Variants in TMTC1 observed in about 807,000 individuals in gnomAD.
The protein encoded by TMTC1 is protein O-mannosyl-transferase TMTC1.
TMTC1 carries 73 observed loss-of-function variants against 104.8 expected under a neutral mutation model. The observed-to-expected ratio is 0.70, with a 90% CI of 0.58 to 0.85. The LOEUF (loss-of-function observed/expected upper bound fraction) is 0.85. Ranked by LOEUF, TMTC1 falls within the 40% of genes least tolerant of loss-of-function variation. The pLI is 0.00. For synonymous variants in TMTC1, 434 were observed against 428.7 expected, an observed-to-expected ratio of 1.01 and a Z score of -0.15; for missense variants, 1,035 against 1,096.1, an observed-to-expected ratio of 0.94 and a Z score of 0.79.
At chr12:29,755,572 G>A (rs749432302) in intron 4 of TMTC1, 137 bp downstream of exon 4, 8 of 694,100 alleles carry the variant, frequency 1.2e-5, no homozygotes, top group Non-Finnish European at 1.9e-5. Context: ...AATAAGCCTT[G>A]TTGATTACGT....
At chr12:29,596,310 G>A (rs975370346) in intron 7 of TMTC1, among the ~76,000 whole-genome samples, 2 of 152,020 alleles carry the variant, frequency 1.3e-5, no homozygotes, top group East Asian at 1.9e-4. Context: ...CCTGGCTGAC[G>A]TCTTTACTTT....
chr12:29,681,209 G>A (rs937671954), intron 5 of TMTC1, among the ~76,000 whole-genome samples: 3 of 151,956 alleles, frequency 2.0e-5, no homozygotes, highest in East Asian at 1.9e-4. Context: ...GGACCAAGGT[G>A]GAATATTTGA....
At chr12:29,748,292 T>C (rs894695548) in intron 5 of TMTC1, among the ~76,000 whole-genome samples, 4 of 152,194 alleles carry the variant, frequency 2.6e-5, no homozygotes, top group African/African-American at 9.7e-5. Context: ...TAGCTCAATG[T>C]ATTAGCACCA....
intron 7 of TMTC1, among the ~76,000 whole-genome samples, chr12:29,600,119 T>TA (rs576864128): frequency 0.13 from 18,597 of 139,772 alleles, 1,530 homozygotes; most frequent in African/African-American, 0.23. Flanking sequence ...ATTCCTGGGT[T>TA]AAAAAAAAAA....
intron 11 of TMTC1, chr12:29,534,675 T>G (rs1013791243): frequency 6.6e-6 from 1 of 152,226 alleles, no homozygotes; most frequent in Non-Finnish European, 1.5e-5. Context: ...ATAGTAAGGC[T>G]GAATGCAAAG....
chr12:29,594,502 G>T lies in TMTC1; in HGVS notation c.1250+9676C>A, dbSNP rs549821296. Among the ~76,000 whole-genome samples, 13 of 152,288 alleles carry T rather than the reference G, an allele frequency of 8.5e-5. No individual in the cohort carries two copies. In the South Asian group the frequency reaches 2.5e-3, roughly 29 times the overall value. On this transcript the variant is annotated intron_variant, in intron 7 of 17. Coordinates refer to ENST00000539277, the MANE Select transcript of TMTC1 (RefSeq NM_001193451.2). Reference sequence around the variant, plus strand: ...AGAAAACACAGGCAAACAAAATGGTGGTCCCAATCCTAATGAAAACAAGAC... The same window carrying T: ...AGAAAACACAGGCAAACAAAATGGTTGTCCCAATCCTAATGAAAACAAGAC...
intron 5 of TMTC1, among the ~76,000 whole-genome samples, chr12:29,664,472 C>G (rs1565751437): frequency 6.6e-6 from 1 of 152,112 alleles, no homozygotes; most frequent in African/African-American, 2.4e-5. Context: ...ATCTTTTCCT[C>G]TTCCCCTACC....
At chr12:29,776,550 T>C (rs10843505) in intron 1 of TMTC1, among the ~76,000 whole-genome samples, 14,418 of 152,302 alleles carry the variant, frequency 0.095, 842 homozygotes, top group East Asian at 0.19. Flanking sequence ...TTATTCATTC[T>C]TTAAAAAATT....
At chr12:29,583,667 C>T in intron 7 of TMTC1, 93 bp from the exon 8 acceptor site, 1 of 1,211,730 alleles carries the variant, frequency 8.3e-7, no homozygotes, top group Non-Finnish European at 1.1e-6. Context: ...TCAAATGAAG[C>T]TTGTCCTGTG....
intron 5 of TMTC1, among the ~76,000 whole-genome samples, chr12:29,651,776 G>A (rs1466428218): frequency 1.3e-5 from 2 of 152,158 alleles, no homozygotes; most frequent in Non-Finnish European, 2.9e-5. Context: ...TTTAGTCTTG[G>A]GTGGCCTATA....
At chr12:29,643,921 A>G (rs1404507569) in intron 5 of TMTC1, among the ~76,000 whole-genome samples, 2 of 110,860 alleles carry the variant, frequency 1.8e-5, no homozygotes, top group Non-Finnish European at 3.3e-5. Context: ...ATATAAATAT[A>G]TATAAATAAA....
intron 5 of TMTC1, among the ~76,000 whole-genome samples, chr12:29,679,804 TAG>T (rs1484501943): frequency 6.6e-6 from 1 of 152,136 alleles, no homozygotes; most frequent in Non-Finnish European, 1.5e-5. Context: ...ACCTCAGGAC[TAG>T]AGAGACCTCT....
chr12:29,644,807 T>C (rs893620288), intron 5 of TMTC1, among the ~76,000 whole-genome samples: 1 of 152,180 alleles, frequency 6.6e-6, no homozygotes, highest in African/African-American at 2.4e-5. Context: ...CCTCAAGTTT[T>C]ACATTTCTGA....
At chr12:29,727,593 G>T (rs183829124) in intron 5 of TMTC1, among the ~76,000 whole-genome samples, 1 of 152,044 alleles carries the variant, frequency 6.6e-6, no homozygotes, top group African/African-American at 2.4e-5. Context: ...AACCAGGATG[G>T]TCTCAATCTC....
chr12:29,556,068 T>G (rs1252787186), intron 10 of TMTC1, among the ~76,000 whole-genome samples: 1 of 152,020 alleles, frequency 6.6e-6, no homozygotes, highest in Non-Finnish European at 1.5e-5. Context: ...TTTTTAAGTT[T>G]AGAAGCTAAA....
intron 5 of TMTC1, among the ~76,000 whole-genome samples, chr12:29,691,213 C>T (rs184200422): frequency 2.6e-5 from 4 of 152,264 alleles, no homozygotes; most frequent in Non-Finnish European, 4.4e-5. Context: ...AAGCTCAGTG[C>T]TTGAGATATT....
chr12:29,737,223 T>G (rs1371289911), intron 5 of TMTC1, among the ~76,000 whole-genome samples: 1 of 152,096 alleles, frequency 6.6e-6, no homozygotes, highest in Non-Finnish European at 1.5e-5. Flanking sequence ...GCACCCAACA[T>G]GCAAAACAGG....
At chr12:29,540,616 C>CT (rs143611012) in intron 10 of TMTC1, among the ~76,000 whole-genome samples, 18,510 of 151,868 alleles carry the variant, frequency 0.12, 1,429 homozygotes, top group African/African-American at 0.22. Flanking sequence ...ACTAATGTTA[C>CT]TTTTTTTTCC....
At chr12:29,547,782 C>T (rs868647775) in intron 10 of TMTC1, among the ~76,000 whole-genome samples, 3 of 152,134 alleles carry the variant, frequency 2.0e-5, no homozygotes, top group Non-Finnish European at 2.9e-5. Flanking sequence ...TATGTGTGTA[C>T]GCAATGGATA....
Sources: gnomAD v4.1 joint callset for allele counts (sites outside exome capture counted in the v4.1 genomes callset) on GRCh38, gnomAD v4.1.1 for gene constraint, MANE v1.5 for transcripts, NCBI Gene and HGNC (gene_info 2026-07-23, HGNC 2026-07-21) for gene names.